The following ABLIM2 variants were observed in gnomAD, a reference collection of about 807,000 sequenced individuals.
ABLIM2 encodes actin-binding LIM protein 2.
Under a neutral mutation model 97.7 loss-of-function variants are expected in ABLIM2, and 53 were observed. The ratio of observed to expected loss-of-function variants is 0.54; its 90% confidence interval spans 0.44 to 0.68. The LOEUF (loss-of-function observed/expected upper bound fraction) is 0.68, where lower values mean the gene tolerates loss of function less well. ABLIM2 is among the 30% of genes least tolerant of loss of function. ABLIM2 has a pLI of 0.00. For synonymous variants in ABLIM2, 361 were observed against 345.8 expected (o/e 1.04, Z -0.49); for missense variants, 835 against 867.2 (o/e 0.96, Z 0.47).
chr4:8,088,721 CACT>C (rs1825433672), intron 3 of ABLIM2, among the ~76,000 whole-genome samples: 2 of 152,254 alleles, frequency 1.3e-5, no homozygotes, highest in Non-Finnish European at 2.9e-5. Context: ...GCCCAGGGCC[CACT>C]ACTGTGATAG....
At chr4:8,151,096 A>G (rs1267934285) in intron 1 of ABLIM2, among the ~76,000 whole-genome samples, 6 of 152,146 alleles carry the variant, frequency 3.9e-5, no homozygotes, top group Non-Finnish European at 8.8e-5. Flanking sequence ...AACTAAGGCA[A>G]AGGGCATTTA....
At chr4:8,012,171 A>G (rs908910382) in intron 14 of ABLIM2, among the ~76,000 whole-genome samples, 28 of 148,990 alleles carry the variant, frequency 1.9e-4, no homozygotes, top group Non-Finnish European at 3.6e-4. Flanking sequence ...CCATCTATTC[A>G]TCTAACTACT....
At chr4:8,038,783 T>A (rs569444361) in intron 9 of ABLIM2, among the ~76,000 whole-genome samples, 1 of 152,144 alleles carries the variant, frequency 6.6e-6, no homozygotes, top group Non-Finnish European at 1.5e-5. Flanking sequence ...TTTGTAATCA[T>A]GAGATCTGAT....
At chr4:7,972,503 G>T (rs1728934799) in intron 20 of ABLIM2, among the ~76,000 whole-genome samples, 1 of 152,202 alleles carries the variant, frequency 6.6e-6, no homozygotes, top group Non-Finnish European at 1.5e-5. Flanking sequence ...ATGAGGGTGG[G>T]CACAGGCCTG....
chr4:7,997,297 C>T (rs1035235148), intron 16 of ABLIM2, among the ~76,000 whole-genome samples: 2 of 152,194 alleles, frequency 1.3e-5, no homozygotes, highest in Non-Finnish European at 2.9e-5. Flanking sequence ...GTCTTGATCT[C>T]TTGATCTCGT....
Position 8,125,235 on chromosome 4 carries a change from A to G in ABLIM2, c.11-18598T>C, listed in dbSNP as rs1418379480. On this transcript the variant is annotated intron_variant, in intron 1 of 20. Transcript: ENST00000447017. The surrounding 1 kb of genome is among the most constrained non-coding windows in gnomAD (Gnocchi z 6.2). Reference sequence around the variant, plus strand: ...TTTTTGATGAAATCCAGTCGTCTATATCTTGTTATGACGGCTTGGGCTTTG... The same window carrying G: ...TTTTTGATGAAATCCAGTCGTCTATGTCTTGTTATGACGGCTTGGGCTTTG... 6.6e-6 allele frequency among the ~76,000 whole-genome samples: 1 copy of G among 152,178 alleles called. No individual in the cohort carries two copies.
chr4:8,158,646 G>A lies in ABLIM2; in HGVS notation c.10+34C>T, dbSNP rs1458055579. 5 of 1,504,116 alleles carry A rather than the reference G, an allele frequency of 3.3e-6. No homozygotes were observed. The East Asian group carries it at 8.5e-5, about 25-fold the overall frequency. The allele number at this position is 1,504,116 out of a possible 1,614,324, so 93.2% of individuals were successfully genotyped here. A position where few individuals can be genotyped will look rare whatever the true frequency, so the allele number is the denominator to read the frequency against. On this transcript the variant is annotated intron_variant, in intron 1 of 20. Transcript: ENST00000447017. ...CCTTGCGGCGCCGCGAGCCAGCGCG[G>A]GGACCCGTTGGTCCCTCGGTCCCCA...
At position 8,132,111 on chromosome 4, in the gene ABLIM2, G is replaced by A. The variant is rs112470611; in HGVS notation, c.11-25474C>T. 1.8e-3 allele frequency among the ~76,000 whole-genome samples: 268 copies of A among 151,912 alleles called. 1 individual carries two copies. The highest frequency in any genetic ancestry group is 6.1e-3 in the African/African-American group (253 of 41,426). ...CCTCCGTGGGGTGTGGTGTACTAGC[G>A]GGATGGCTCAAGTGGCACAGGAACG... On this transcript the variant is annotated intron_variant, in intron 1 of 20. Transcript: ENST00000447017. This position sits in a 1 kb window ranked among gnomAD's most constrained non-coding sequence, Gnocchi z 8.0.
rs529005350 is a variant in ABLIM2 at position 8,069,168 on chromosome 4, A to G, written c.676-8114T>C. On this transcript the variant is annotated intron_variant, in intron 6 of 20. Coordinates refer to ENST00000447017, the MANE Select transcript of ABLIM2 (RefSeq NM_001130083.2). The surrounding 1 kb of genome is among the most constrained non-coding windows in gnomAD (Gnocchi z 4.2). ...CAGCTCCCGTTAAGGCGTGAGCCTC[A>G]GGAGCGCTTGGCCCAGCGGCCTCAT... 1.3e-5 allele frequency among the ~76,000 whole-genome samples: 2 copies of G among 152,368 alleles called. No homozygotes were observed. The highest frequency in any genetic ancestry group is 4.1e-4 in the South Asian group (2 of 4,830).
intron 6 of ABLIM2, among the ~76,000 whole-genome samples, chr4:8,074,319 G>A (rs577461553): frequency 6.6e-6 from 1 of 152,148 alleles, no homozygotes; most frequent in African/African-American, 2.4e-5. Context: ...TCCAAGCATG[G>A]TATTGCATGC....
rs59142651 is a variant in ABLIM2 at position 8,122,553 on chromosome 4, G to A, written c.11-15916C>T. Among the ~76,000 whole-genome samples, 12,275 of 152,154 alleles carry A rather than the reference G, an allele frequency of 0.081. 804 individuals carry two copies. Among genetic ancestry groups the A allele is most frequent in the African/African-American group, 0.18 (7,534 of 41,476 alleles). ...CTCTGGGCAGGAGTCCCATCATGAGGACCCCACCCTCACGACCTCATCTAA... is the reference window on the plus strand; with the variant it reads ...CTCTGGGCAGGAGTCCCATCATGAGAACCCCACCCTCACGACCTCATCTAA... On this transcript the variant is annotated intron_variant, in intron 1 of 20. Coordinates refer to ENST00000447017, the MANE Select transcript of ABLIM2 (RefSeq NM_001130083.2). The surrounding 1 kb of genome is among the most constrained non-coding windows in gnomAD (Gnocchi z 4.1).
At chr4:7,977,946 A>C (rs1577721680) in intron 20 of ABLIM2, among the ~76,000 whole-genome samples, 1 of 152,288 alleles carries the variant, frequency 6.6e-6, no homozygotes, top group Non-Finnish European at 1.5e-5. Context: ...AATAGGATTC[A>C]GTTAGCTCTG....
At chr4:8,038,060 C>T (rs759351579) in intron 9 of ABLIM2, among the ~76,000 whole-genome samples, 2 of 152,156 alleles carry the variant, frequency 1.3e-5, no homozygotes, top group Admixed American at 1.3e-4. Context: ...GGTGGAGATC[C>T]CTGTTGCTGC....
chr4:8,038,361 T>C (rs28393730), intron 9 of ABLIM2, among the ~76,000 whole-genome samples: 16,190 of 152,180 alleles, frequency 0.11, 1,175 homozygotes, highest in East Asian at 0.28. Flanking sequence ...CTGGGGGGAA[T>C]GCCTCTCAGG....
intron 2 of ABLIM2, among the ~76,000 whole-genome samples, chr4:8,099,375 G>C (rs570783183): frequency 6.6e-6 from 1 of 152,316 alleles, no homozygotes; most frequent in Admixed American, 6.5e-5. Flanking sequence ...GACGGCGTGA[G>C]CTGTTCCTTG....
At position 8,033,644 on chromosome 4, in the gene ABLIM2, G is replaced by A. The variant is rs1250531768; in HGVS notation, c.1047+2505C>T. On this transcript the variant is annotated intron_variant, in intron 10 of 20. Transcript: ENST00000447017. This position sits in a 1 kb window ranked among gnomAD's most constrained non-coding sequence, Gnocchi z 4.5. ...GAGGCCAACCCAGGTCTCCCCAGAG[G>A]GAGGGGGTGACTCCCGAGCCACAGT... 6.6e-6 allele frequency among the ~76,000 whole-genome samples: 1 copy of A among 152,206 alleles called. No individual in the cohort carries two copies. The highest frequency in any genetic ancestry group is 1.5e-5 in the Non-Finnish European group (1 of 68,028).
chr4:7,983,128 ACT>A (rs1464760258), intron 20 of ABLIM2, 134 bp downstream of exon 20: 3 of 907,588 alleles, frequency 3.3e-6, no homozygotes, highest in Non-Finnish European at 5.2e-6. Context: ...TGTGGGCCTG[ACT>A]CTGCATCACG....
intron 8 of ABLIM2, among the ~76,000 whole-genome samples, chr4:8,049,068 G>A (rs1274263373): frequency 6.6e-6 from 1 of 152,214 alleles, no homozygotes; most frequent in East Asian, 1.9e-4. Context: ...TGTGACCACT[G>A]CCAGCTGGGC....
intron 14 of ABLIM2, among the ~76,000 whole-genome samples, chr4:8,018,337 C>A (rs912151977): frequency 6.6e-6 from 1 of 152,188 alleles, no homozygotes; most frequent in African/African-American, 2.4e-5. Flanking sequence ...TGATGGAAAG[C>A]CAGTCACTTA....
Sources: allele counts gnomAD v4.1 joint callset (sites outside exome capture counted in the v4.1 genomes callset), GRCh38; gene constraint gnomAD v4.1.1; non-coding constraint Gnocchi (gnomAD v3.1); transcripts MANE v1.5; gene names NCBI Gene and HGNC (gene_info 2026-07-23, HGNC 2026-07-21).